Variants in MORC1 observed in about 807,000 individuals in gnomAD.
The protein encoded by MORC1 is MORC family CW-type zinc finger protein 1.
In MORC1, 59 loss-of-function variants were observed where a neutral mutation model predicts 134.9. The ratio of observed to expected loss-of-function variants is 0.44; its 90% CI spans 0.35 to 0.54. MORC1 has a LOEUF of 0.54. Ranked by LOEUF, MORC1 falls within the 20% of genes least tolerant of loss-of-function variation. MORC1 has a pLI of 0.00. For missense variants in MORC1, 947 were observed against 1,134.5 expected (o/e 0.83, Z 2.37); for synonymous variants, 395 against 391.7 (o/e 1.01, Z -0.10).
chr3:108,999,093 C>T (rs913604974), intron 21 of MORC1, among the ~76,000 whole-genome samples: 2 of 152,176 alleles, frequency 1.3e-5, no homozygotes, highest in East Asian at 1.9e-4. Context: ...TCAAGAGAGG[C>T]GGCATTATTT....
At chr3:109,083,616 T>C (rs1302467860) in intron 8 of MORC1, among the ~76,000 whole-genome samples, 2 of 152,098 alleles carry the variant, frequency 1.3e-5, no homozygotes, top group African/African-American at 4.8e-5. Flanking sequence ...CTACTCAAAC[T>C]CTTCAAAAAA....
At chr3:109,099,933 A>C (rs774543249) in intron 5 of MORC1, among the ~76,000 whole-genome samples, 8 of 152,182 alleles carry the variant, frequency 5.3e-5, no homozygotes, top group Non-Finnish European at 1.0e-4. Context: ...AATTAACCTA[A>C]AATGTTGTAA....
intron 9 of MORC1, among the ~76,000 whole-genome samples, chr3:109,068,686 ATCT>A (rs1174168065): frequency 6.6e-6 from 1 of 152,224 alleles, no homozygotes; most frequent in East Asian, 1.9e-4. Flanking sequence ...ATGTGCAAGT[ATCT>A]TCTTCAAATA....
intron 24 of MORC1, among the ~76,000 whole-genome samples, chr3:108,977,221 T>C (rs1400147901): frequency 6.6e-6 from 1 of 152,178 alleles, no homozygotes; most frequent in Non-Finnish European, 1.5e-5. Context: ...AATGTGTTAG[T>C]TCCTCCAAGT....
chr3:108,966,558 C>A (rs2107370079), intron 26 of MORC1, among the ~76,000 whole-genome samples: 1 of 152,228 alleles, frequency 6.6e-6, no homozygotes, highest in African/African-American at 2.4e-5. Flanking sequence ...AGGATTCTAT[C>A]ATCTAACTGA....
At chr3:109,100,579 A>T in intron 4 of MORC1, 72 bp from the exon 5 acceptor site, 1 of 1,129,370 alleles carries the variant, frequency 8.9e-7, no homozygotes, top group Non-Finnish European at 1.3e-6. Context: ...AGCTGTCAGG[A>T]CCTCACATTC....
chr3:109,088,821 T>C (rs1950663321), intron 8 of MORC1, among the ~76,000 whole-genome samples: 1 of 152,098 alleles, frequency 6.6e-6, no homozygotes, highest in Non-Finnish European at 1.5e-5. Flanking sequence ...AACCTAAATG[T>C]CCATAAATGA....
chr3:109,066,490 T>C (rs1380281686), intron 9 of MORC1, among the ~76,000 whole-genome samples: 1 of 152,170 alleles, frequency 6.6e-6, no homozygotes, highest in African/African-American at 2.4e-5. Context: ...TTTCACCTTC[T>C]TGGCCAGGCT....
At chr3:109,041,250 G>T (rs944416500) in intron 14 of MORC1, among the ~76,000 whole-genome samples, 2 of 151,896 alleles carry the variant, frequency 1.3e-5, no homozygotes, top group Admixed American at 6.6e-5. Flanking sequence ...GGCAGAGCTT[G>T]CAGTGAGCCG....
intron 8 of MORC1, 148 bp downstream of exon 8, chr3:109,093,288 G>A: frequency 3.3e-6 from 2 of 597,856 alleles, no homozygotes; most frequent in Admixed American, 3.0e-5. Flanking sequence ...GGAAACCACT[G>A]ACCTAGCCCA....
At chr3:109,078,841 C>G (rs1439867627) in intron 8 of MORC1, among the ~76,000 whole-genome samples, 1 of 151,614 alleles carries the variant, frequency 6.6e-6, no homozygotes, top group East Asian at 1.9e-4. Context: ...CAGAGGAAAA[C>G]ATAAATTTTA....
intron 9 of MORC1, 77 bp downstream of exon 9, chr3:109,069,555 C>T: frequency 7.3e-7 from 1 of 1,363,656 alleles, no homozygotes; most frequent in Non-Finnish European, 9.8e-7. Flanking sequence ...TCAATGTCCT[C>T]ACTTTGACAA....
intron 3 of MORC1, 94 bp from the exon 4 acceptor site, chr3:109,104,011 T>C (rs1950977094): frequency 2.6e-6 from 3 of 1,146,802 alleles, no homozygotes; most frequent in Non-Finnish European, 3.9e-6. Context: ...CTTCCTCCAA[T>C]GCAGCCACAG....
intron 8 of MORC1, among the ~76,000 whole-genome samples, chr3:109,080,827 A>G (rs1389078885): frequency 6.6e-6 from 1 of 152,170 alleles, no homozygotes; most frequent in Non-Finnish European, 1.5e-5. Flanking sequence ...TAAAGGCTGT[A>G]GCAATTAAGT....
chr3:109,103,107 A>AC (rs1330041394), intron 4 of MORC1, among the ~76,000 whole-genome samples: 1 of 152,164 alleles, frequency 6.6e-6, no homozygotes, highest in Non-Finnish European at 1.5e-5. Flanking sequence ...TGTGGAACTG[A>AC]CCATGGCAGT....
intron 9 of MORC1, among the ~76,000 whole-genome samples, chr3:109,066,288 C>CTTTTTTTT (rs377008017): frequency 1.4e-5 from 2 of 144,318 alleles, no homozygotes; most frequent in Non-Finnish European, 3.1e-5. Flanking sequence ...CTCTTTTTTT[C>CTTTTTTTT]TTTTTTTTTT....
At chr3:109,009,679 A>G (rs900683064) in intron 17 of MORC1, among the ~76,000 whole-genome samples, 2 of 152,112 alleles carry the variant, frequency 1.3e-5, no homozygotes, top group African/African-American at 2.4e-5. Flanking sequence ...TTTTGTCCCT[A>G]TAGGTGACTT....
intron 24 of MORC1, among the ~76,000 whole-genome samples, chr3:108,973,028 T>A (rs188527765): frequency 4.5e-4 from 68 of 152,294 alleles, no homozygotes; most frequent in Non-Finnish European, 4.4e-4. Context: ...GCAAACATCA[T>A]CTATAGTCTG....
In MORC1 at chr3:109,111,052, A is replaced by T. The variant is rs867365012; in HGVS notation, c.120-269T>A. On this transcript the variant is annotated intron_variant, in intron 2 of 27. Transcript: ENST00000232603. ...AAACTAACAAAATGGATATAATTTA[A>T]AAAAAAAAAAAAAAAACAAAAAAAG... is the stretch of plus-strand genomic sequence containing the variant. Among the ~76,000 whole-genome samples the T allele has an allele frequency of 0.015, 245 of 16,098 alleles. 1 individual carries two copies. The East Asian group carries it at 0.29, about 19-fold the overall frequency. The allele number at this position is 16,098 out of a possible 152,430, so 10.6% of individuals were successfully genotyped here.
Sources: allele counts gnomAD v4.1 joint callset (sites outside exome capture counted in the v4.1 genomes callset), GRCh38; gene constraint gnomAD v4.1.1; transcripts MANE v1.5; gene names NCBI Gene and HGNC (gene_info 2026-07-23, HGNC 2026-07-21).